ZFAT: variants seen among roughly 807,000 people sequenced by gnomAD.
The protein encoded by ZFAT is zinc finger protein ZFAT.
A neutral mutation model predicts 117.7 loss-of-function variants in ZFAT; 64 were observed. The observed-to-expected ratio is 0.54, with a 90% CI of 0.44 to 0.67. The LOEUF (loss-of-function observed/expected upper bound fraction) is 0.67. Ranked by LOEUF, ZFAT falls within the 30% of genes least tolerant of loss-of-function variation. ZFAT has a pLI of 0.00. For missense variants in ZFAT, 1,433 were observed against 1,584.5 expected (o/e 0.90, Z 1.62); for synonymous variants, 679 against 615.0 (o/e 1.10, Z -1.54).
chr8:134,742,702 G>T, the ZFAT span, among the ~76,000 whole-genome samples: 1 of 152,174 alleles, frequency 6.6e-6, no homozygotes, highest in Non-Finnish European at 1.5e-5. Context: ...GGCCCCCTGT[G>T]CTCCCTTCCC....
At chr8:134,706,384 T>C (rs573420977) in intron 1 of ZFAT, among the ~76,000 whole-genome samples, 91 of 152,280 alleles carry the variant, frequency 6.0e-4, no homozygotes, top group African/African-American at 2.1e-3. Flanking sequence ...AACTCATCTA[T>C]GGTGACATCA....
At chr8:134,637,861 A>G (rs1400249986) in intron 2 of ZFAT, 149 bp from the exon 3 acceptor site, 5 of 1,105,498 alleles carry the variant, frequency 4.5e-6, no homozygotes, top group Non-Finnish European at 6.3e-6. Context: ...ACAGCTGCAA[A>G]CAATTATCGT....
chr8:134,727,368 GAGA>G, the ZFAT span, among the ~76,000 whole-genome samples: 1 of 152,118 alleles, frequency 6.6e-6, no homozygotes, highest in Non-Finnish European at 1.5e-5. Flanking sequence ...TGTGTTTGAG[GAGA>G]AGAACGGCTG....
chr8:134,819,641 T>C, the ZFAT span, among the ~76,000 whole-genome samples: 1 of 152,014 alleles, frequency 6.6e-6, no homozygotes, highest in African/African-American at 2.4e-5. Context: ...ATTCCACTTG[T>C]CCCTTAAATA....
chr8:134,484,065 C>T (rs1009067729), intron 15 of ZFAT, among the ~76,000 whole-genome samples: 8 of 152,224 alleles, frequency 5.3e-5, no homozygotes, highest in African/African-American at 1.9e-4. Flanking sequence ...CTTCCCCCAA[C>T]ATTTAAGAAA....
intron 11 of ZFAT, among the ~76,000 whole-genome samples, chr8:134,548,921 G>A (rs79803616): frequency 0.022 from 3,276 of 152,288 alleles, 108 homozygotes; most frequent in African/African-American, 0.075. Flanking sequence ...GACTCAGAAC[G>A]GAACACGCGA....
At chr8:134,492,672 T>C (rs1471103901) in intron 15 of ZFAT, among the ~76,000 whole-genome samples, 1 of 152,230 alleles carries the variant, frequency 6.6e-6, no homozygotes, top group African/African-American at 2.4e-5. Flanking sequence ...GGACATTTGC[T>C]TTCACAACCC....
At chr8:134,662,475 C>G (rs1034221343) in intron 1 of ZFAT, among the ~76,000 whole-genome samples, 7 of 152,172 alleles carry the variant, frequency 4.6e-5, no homozygotes, top group African/African-American at 1.7e-4. Flanking sequence ...GAGGAAGACA[C>G]TGGTAACCTC....
At chr8:134,787,553 T>C in the ZFAT span, among the ~76,000 whole-genome samples, 2 of 152,222 alleles carry the variant, frequency 1.3e-5, no homozygotes, top group Non-Finnish European at 2.9e-5. Context: ...TGTCTATCCT[T>C]ATGCCAGCCA....
the ZFAT span, among the ~76,000 whole-genome samples, chr8:134,770,144 G>A: frequency 6.6e-6 from 1 of 152,160 alleles, no homozygotes. Context: ...CCTTACCTAT[G>A]CAAATTTCTG....
At chr8:134,831,114 G>T in the ZFAT span, among the ~76,000 whole-genome samples, 3 of 152,202 alleles carry the variant, frequency 2.0e-5, no homozygotes, top group Admixed American at 6.5e-5. Context: ...ATTACAAAAA[G>T]ATGACTGCTT....
At chr8:134,756,622 A>T in the ZFAT span, among the ~76,000 whole-genome samples, 1 of 152,214 alleles carries the variant, frequency 6.6e-6, no homozygotes, top group Non-Finnish European at 1.5e-5. Flanking sequence ...CGATTTTCAC[A>T]GCTGCACCCC....
intron 15 of ZFAT, among the ~76,000 whole-genome samples, chr8:134,489,193 G>C (rs559093456): frequency 6.6e-6 from 1 of 152,096 alleles, no homozygotes; most frequent in African/African-American, 2.4e-5. Flanking sequence ...AGGGGACTAT[G>C]GGGAAGAGGA....
chr8:134,579,475 C>T (rs781421061), intron 10 of ZFAT, among the ~76,000 whole-genome samples: 3 of 152,050 alleles, frequency 2.0e-5, no homozygotes, highest in African/African-American at 4.8e-5. Context: ...ACCCCTAGCA[C>T]GAGAACAGTA....
the ZFAT span, among the ~76,000 whole-genome samples, chr8:134,831,988 C>CGGGGTCG: frequency 1.3e-5 from 2 of 150,446 alleles, no homozygotes; most frequent in African/African-American, 2.4e-5. Context: ...TCACCTGGCC[C>CGGGGTCG]GGGGTCGGGG....
chr8:134,480,681 G>A (rs1817237223), intron 15 of ZFAT, among the ~76,000 whole-genome samples: 1 of 152,216 alleles, frequency 6.6e-6, no homozygotes, highest in South Asian at 2.1e-4. Flanking sequence ...TGACTCCCAG[G>A]AGGTGTAGGG....
In ZFAT at chr8:134,565,403, G is replaced by C. The variant is rs777595729; in HGVS notation, c.2906C>G (p.Thr969Arg). Residue 969 changes from threonine to arginine, a missense_variant, in exon 11 of 16, where the codon ACG becomes AGG. By Grantham distance (71) the Thr-to-Arg change is moderately conservative. This residue lies in a region of ZFAT where 503 missense variants were observed against 543.4 expected (regional missense o/e 0.93). Transcript: ENST00000377838. ...HTADGKQFKCTVCDYTAAQKP... is the reference protein window; with the variant it reads ...HTADGKQFKCRVCDYTAAQKP... ...CTGGGCCGCTGTGTAGTCACACACC[G>C]TGCACTTAAACTGCTTCCCTGGAAA... is the stretch of plus-strand genomic sequence containing the variant. 7 of 1,613,370 alleles carry C rather than the reference G, an allele frequency of 4.3e-6. No homozygotes were observed. Among genetic ancestry groups the C allele is most frequent in the Non-Finnish European group, 5.1e-6 (6 of 1,179,772 alleles).
the ZFAT span, among the ~76,000 whole-genome samples, chr8:134,773,398 G>A: frequency 1.3e-5 from 2 of 152,204 alleles, no homozygotes; most frequent in Admixed American, 1.3e-4. Flanking sequence ...GCACCTAGTT[G>A]TTGAGGAGCT....
intron 11 of ZFAT, among the ~76,000 whole-genome samples, chr8:134,559,929 C>A (rs920416656): frequency 1.3e-5 from 2 of 152,038 alleles, no homozygotes; most frequent in Non-Finnish European, 2.9e-5. Context: ...TATTAAAGAG[C>A]TAATATCATA....
Sources: gnomAD v4.1 joint callset for allele counts (sites outside exome capture counted in the v4.1 genomes callset) on GRCh38, gnomAD v4.1.1 for gene constraint, gnomAD v4.1.1 regional missense constraint, MANE v1.5 for transcripts, NCBI Gene and HGNC (gene_info 2026-07-23, HGNC 2026-07-21) for gene names.